BRINP3: variants seen among roughly 807,000 people sequenced by gnomAD.
BRINP3 encodes BMP/retinoic acid inducible neural specific 3.
Under a neutral mutation model 71.0 loss-of-function variants are expected in BRINP3, and 19 were observed. The ratio of observed to expected loss-of-function variants is 0.27; its 90% CI spans 0.19 to 0.39. BRINP3 has a LOEUF of 0.39. Among genes scored for constraint, BRINP3 ranks in the 10% least tolerant of loss-of-function variants. BRINP3 has a pLI of 1.00. For synonymous variants in BRINP3, 380 were observed against 337.7 expected (o/e 1.13, Z -1.37); for missense variants, 959 against 940.8 (o/e 1.02, Z -0.25).
At chr1:190,267,635 C>T (rs566806999) in intron 3 of BRINP3, among the ~76,000 whole-genome samples, 84 of 152,070 alleles carry the variant, frequency 5.5e-4, no homozygotes, top group Non-Finnish European at 6.0e-4. Flanking sequence ...CCAAAAGTAG[C>T]TTCTTTCAGG....
intron 2 of BRINP3, among the ~76,000 whole-genome samples, chr1:190,306,455 A>T (rs989115058): frequency 4.6e-5 from 7 of 151,902 alleles, no homozygotes; most frequent in Admixed American, 1.3e-4. Context: ...ATAAAACTAT[A>T]TATTTTTAAT....
At position 190,422,363 on chromosome 1, in the gene BRINP3, A is replaced by T. The variant is rs146146780; in HGVS notation, c.236+32292T>A. On this transcript the variant is annotated intron_variant, in intron 2 of 7. Coordinates refer to ENST00000367462, the MANE Select transcript of BRINP3 (RefSeq NM_199051.3). ...TATTAACAAATCTAGAACTGAGAAG[A>T]TCATATTGCTCAGATTCTCTATGAA... Among the ~76,000 whole-genome samples, 528 of 151,992 alleles carry T rather than the reference A, an allele frequency of 3.5e-3. 1 individual carries two copies. Among genetic ancestry groups the T allele is most frequent in the Middle Eastern group, 0.01 (3 of 294 alleles).
intron 2 of BRINP3, among the ~76,000 whole-genome samples, chr1:190,394,002 G>A (rs1012221195): frequency 1.4e-4 from 21 of 151,534 alleles, no homozygotes; most frequent in Middle Eastern, 3.4e-3. Context: ...AAACTTCCAA[G>A]TATTTCATTA....
chr1:190,424,073 CAAAATATATATAGTCA>C (rs1263175186), intron 2 of BRINP3, among the ~76,000 whole-genome samples: 41 of 150,934 alleles, frequency 2.7e-4, no homozygotes, highest in Non-Finnish European at 4.1e-4. Context: ...AAATATAGTC[CAAAATATATATAGTCA>C]AAAATATATA....
At chr1:190,420,466 C>T (rs1673302600) in intron 2 of BRINP3, among the ~76,000 whole-genome samples, 4 of 152,042 alleles carry the variant, frequency 2.6e-5, no homozygotes, top group South Asian at 2.1e-4. Flanking sequence ...CAAACAATCA[C>T]TTTGTAACCC....
At chr1:190,232,978 A>G (rs1369171018) in intron 5 of BRINP3, among the ~76,000 whole-genome samples, 1 of 152,162 alleles carries the variant, frequency 6.6e-6, no homozygotes, top group Middle Eastern at 3.2e-3. Flanking sequence ...ATTGATATTG[A>G]TAAATTGGAT....
At chr1:190,172,918 C>A (rs1340147897) in intron 6 of BRINP3, among the ~76,000 whole-genome samples, 2 of 152,172 alleles carry the variant, frequency 1.3e-5, no homozygotes, top group Non-Finnish European at 2.9e-5. Context: ...TGGCCAGATG[C>A]ATGCAACCTC....
intron 6 of BRINP3, among the ~76,000 whole-genome samples, chr1:190,216,549 C>T (rs1410337842): frequency 1.3e-5 from 2 of 151,772 alleles, no homozygotes; most frequent in African/African-American, 2.4e-5. Context: ...TTTTAAAATT[C>T]GCTGACACTT....
chr1:190,407,738 G>A (rs1301919844), intron 2 of BRINP3, among the ~76,000 whole-genome samples: 1 of 151,844 alleles, frequency 6.6e-6, no homozygotes, highest in Admixed American at 6.6e-5. Context: ...AGCAAATATT[G>A]TACCTAATAA....
chr1:190,335,656 A>C (rs1043805298), intron 2 of BRINP3, among the ~76,000 whole-genome samples: 2 of 151,968 alleles, frequency 1.3e-5, no homozygotes, highest in Admixed American at 1.3e-4. Flanking sequence ...TTTATATATA[A>C]ATTCGAATAT....
chr1:190,192,328 C>T (rs1057245131), intron 6 of BRINP3, among the ~76,000 whole-genome samples: 2 of 152,094 alleles, frequency 1.3e-5, no homozygotes, highest in Non-Finnish European at 2.9e-5. Flanking sequence ...ATCTTGTACT[C>T]TTTAAAACAA....
chr1:190,129,668 T>A (rs1164821417), intron 7 of BRINP3, among the ~76,000 whole-genome samples: 1 of 151,956 alleles, frequency 6.6e-6, no homozygotes, highest in East Asian at 1.9e-4. Context: ...TTGTTTTTAG[T>A]TGCCTTGTTA....
Position 190,425,879 on chromosome 1 carries a change from ATTCCT to A in BRINP3, c.236+28771_236+28775del, listed in dbSNP as rs1040330712. 1.1e-3 allele frequency among the ~76,000 whole-genome samples: 165 copies of A among 151,948 alleles called. 1 individual carries two copies. Among genetic ancestry groups the A allele is most frequent in the African/African-American group, 3.9e-3 (162 of 41,560 alleles). On this transcript the variant is annotated intron_variant, in intron 2 of 7. Transcript: ENST00000367462. The stretch of plus-strand genomic sequence containing the variant: ...CAATAAAATCTTCCTCTCTAACGGT[ATTCCT>A]TTCAACAGGAAGCCAATAAATCTGA...
chr1:190,196,074 T>A (rs1654451037), intron 6 of BRINP3, among the ~76,000 whole-genome samples: 1 of 152,158 alleles, frequency 6.6e-6, no homozygotes, highest in East Asian at 1.9e-4. Context: ...GATTCTCATG[T>A]AACATTTTCA....
chr1:190,108,918 C>G (rs548758403), intron 7 of BRINP3, among the ~76,000 whole-genome samples: 1 of 151,860 alleles, frequency 6.6e-6, no homozygotes, highest in Non-Finnish European at 1.5e-5. Context: ...AAATGAGAGC[C>G]TTTTATCAGC....
chr1:190,348,937 G>T (rs766575629), intron 2 of BRINP3, among the ~76,000 whole-genome samples: 4 of 152,054 alleles, frequency 2.6e-5, no homozygotes, highest in Non-Finnish European at 5.9e-5. Flanking sequence ...ATAAATACCA[G>T]ATTATCTTTA....
At chr1:190,421,877 T>G (rs1420020259) in intron 2 of BRINP3, among the ~76,000 whole-genome samples, 1 of 151,870 alleles carries the variant, frequency 6.6e-6, no homozygotes, top group Admixed American at 6.6e-5. Context: ...TACTTATTTA[T>G]ATTTATTTTG....
chr1:190,384,240 CA>C (rs1670738340), intron 2 of BRINP3, among the ~76,000 whole-genome samples: 1 of 150,792 alleles, frequency 6.6e-6, no homozygotes, highest in Non-Finnish European at 1.5e-5. Context: ...ATGTAGTCAT[CA>C]AAAGTGGATC....
chr1:190,385,378 T>A (rs929221279), intron 2 of BRINP3, among the ~76,000 whole-genome samples: 1 of 151,638 alleles, frequency 6.6e-6, no homozygotes, highest in African/African-American at 2.4e-5. Context: ...TCAAACAAAT[T>A]TACAAGAAAT....
Sources: allele counts gnomAD v4.1 joint callset (sites outside exome capture counted in the v4.1 genomes callset), GRCh38; gene constraint gnomAD v4.1.1; transcripts MANE v1.5; gene names NCBI Gene and HGNC (gene_info 2026-07-23, HGNC 2026-07-21).